PDGFD: variants seen among roughly 807,000 people sequenced by gnomAD.
PDGFD encodes platelet derived growth factor D, also known as platelet-derived growth factor D.
A neutral mutation model predicts 44.7 loss-of-function variants in PDGFD; 30 were observed. The ratio of observed to expected loss-of-function variants is 0.67; its 90% CI spans 0.50 to 0.91. The LOEUF is 0.91. Ranked by LOEUF, PDGFD falls within the 40% of genes least tolerant of loss-of-function variation. PDGFD has a pLI of 0.00. For missense variants in PDGFD, 445 were observed against 457.8 expected (o/e 0.97, Z 0.25); for synonymous variants, 173 against 168.4 (o/e 1.03, Z -0.21).
chr11:103,928,386 G>A (rs1250465079), intron 5 of PDGFD, among the ~76,000 whole-genome samples: 1 of 152,152 alleles, frequency 6.6e-6, no homozygotes, highest in Non-Finnish European at 1.5e-5. Context: ...TTATCACCAT[G>A]TTCATTCTAA....
intron 1 of PDGFD, chr11:104,036,779 G>C (rs374785323): frequency 1.3e-6 from 2 of 1,515,654 alleles, no homozygotes; most frequent in African/African-American, 2.8e-5. Context: ...CCGCCAGTGA[G>C]CCGCCCATGC....
At chr11:103,949,998 G>A (rs1271278660) in intron 3 of PDGFD, among the ~76,000 whole-genome samples, 2 of 152,174 alleles carry the variant, frequency 1.3e-5, no homozygotes, top group Non-Finnish European at 2.9e-5. Flanking sequence ...GTTGGGCATA[G>A]TGCGTTTGAG....
At chr11:104,127,701 G>A (rs915991614) in intron 1 of PDGFD, among the ~76,000 whole-genome samples, 6 of 151,590 alleles carry the variant, frequency 4.0e-5, no homozygotes, top group Non-Finnish European at 5.9e-5. Context: ...GTATGAATAC[G>A]TGTGTGTGTG....
At chr11:104,102,516 T>G (rs12287790) in intron 1 of PDGFD, among the ~76,000 whole-genome samples, 8,371 of 152,138 alleles carry the variant, frequency 0.055, 361 homozygotes, top group African/African-American at 0.12. Context: ...GGAAGTCAGT[T>G]TGGCCATTCC....
At chr11:104,013,426 C>G (rs904733678) in intron 1 of PDGFD, among the ~76,000 whole-genome samples, 6 of 152,140 alleles carry the variant, frequency 3.9e-5, no homozygotes, top group African/African-American at 1.4e-4. Context: ...TTGTAACACA[C>G]CCCTAGATGC....
At chr11:104,158,463 A>G (rs1285758832) in intron 1 of PDGFD, among the ~76,000 whole-genome samples, 2 of 152,240 alleles carry the variant, frequency 1.3e-5, no homozygotes, top group Non-Finnish European at 2.9e-5. Context: ...GTCAGGAACC[A>G]TGTGTGTTTC....
chr11:104,094,198 C>A (rs571494863), intron 1 of PDGFD, among the ~76,000 whole-genome samples: 1 of 152,010 alleles, frequency 6.6e-6, no homozygotes, highest in South Asian at 2.1e-4. Context: ...TCGTGGCCAT[C>A]GTATCAGCAC....
intron 1 of PDGFD, among the ~76,000 whole-genome samples, chr11:104,089,889 T>C (rs1489102167): frequency 6.6e-6 from 1 of 152,286 alleles, no homozygotes. Flanking sequence ...ATTGTATAGA[T>C]TCTATTGGTT....
At chr11:104,132,411 T>C (rs1226054977) in intron 1 of PDGFD, among the ~76,000 whole-genome samples, 1 of 152,086 alleles carries the variant, frequency 6.6e-6, no homozygotes, top group East Asian at 1.9e-4. Flanking sequence ...AATTACCTAC[T>C]TCTCTATAGT....
At chr11:104,059,501 T>TG (rs1860677300) in intron 1 of PDGFD, among the ~76,000 whole-genome samples, 1 of 152,176 alleles carries the variant, frequency 6.6e-6, no homozygotes, top group Non-Finnish European at 1.5e-5. Flanking sequence ...CCATAAATAT[T>TG]TAGCACTAGA....
At chr11:104,042,842 T>C (rs771893212) in intron 1 of PDGFD, among the ~76,000 whole-genome samples, 1 of 152,338 alleles carries the variant, frequency 6.6e-6, no homozygotes, top group East Asian at 1.9e-4. Flanking sequence ...AAAGATCCGT[T>C]AAGATGCAGA....
At chr11:103,919,136 G>A (rs1858169980) in intron 6 of PDGFD, among the ~76,000 whole-genome samples, 1 of 152,122 alleles carries the variant, frequency 6.6e-6, no homozygotes, top group African/African-American at 2.4e-5. Flanking sequence ...ACAAAGCCAG[G>A]GAAACTTGAC....
chr11:104,097,913 C>T (rs577069877), intron 1 of PDGFD, among the ~76,000 whole-genome samples: 26 of 151,994 alleles, frequency 1.7e-4, no homozygotes, highest in Admixed American at 1.3e-4. Context: ...TTTAATTCTA[C>T]GGCAAATTTC....
At chr11:104,135,997 G>A (rs576630613) in intron 1 of PDGFD, among the ~76,000 whole-genome samples, 6 of 152,238 alleles carry the variant, frequency 3.9e-5, no homozygotes, top group East Asian at 3.9e-4. Context: ...AGATGACATC[G>A]GATTGGAGTC....
chr11:104,001,249 G>A (rs890467973), intron 1 of PDGFD, among the ~76,000 whole-genome samples: 1 of 152,338 alleles, frequency 6.6e-6, no homozygotes, highest in East Asian at 1.9e-4. Flanking sequence ...ACTTGGGTGA[G>A]TTTCCCAGGT....
intron 1 of PDGFD, among the ~76,000 whole-genome samples, chr11:104,076,070 A>G (rs1860954607): frequency 6.6e-6 from 1 of 152,096 alleles, no homozygotes; most frequent in South Asian, 2.1e-4. Flanking sequence ...TATAATAGTG[A>G]GTGAATTCTC....
intron 1 of PDGFD, among the ~76,000 whole-genome samples, chr11:104,062,791 C>T (rs1860734316): frequency 6.6e-6 from 1 of 152,156 alleles, no homozygotes; most frequent in South Asian, 2.1e-4. Flanking sequence ...TGCCTTTAAT[C>T]AGATTAATCA....
chr11:104,122,604 T>C (rs1173461103), intron 1 of PDGFD, among the ~76,000 whole-genome samples: 5 of 152,010 alleles, frequency 3.3e-5, no homozygotes, highest in African/African-American at 4.8e-5. Context: ...CCTCACTCTT[T>C]ATGTGTCCAT....
At chr11:104,146,509 T>C (rs551948215) in intron 1 of PDGFD, among the ~76,000 whole-genome samples, 2 of 152,334 alleles carry the variant, frequency 1.3e-5, no homozygotes, top group African/African-American at 4.8e-5. Flanking sequence ...TATGTCAAGA[T>C]AGGGATCTCA....
Sources: gnomAD v4.1 joint callset for allele counts (sites outside exome capture counted in the v4.1 genomes callset) on GRCh38, gnomAD v4.1.1 for gene constraint, MANE v1.5 for transcripts, NCBI Gene and HGNC (gene_info 2026-07-23, HGNC 2026-07-21) for gene names.